ACTR3B: variants seen among roughly 807,000 people sequenced by gnomAD.
ACTR3B encodes actin-related protein 3B.
ACTR3B carries 8 observed loss-of-function variants against 59.0 expected under a neutral mutation model. The ratio of observed to expected loss-of-function variants is 0.14; its 90% confidence interval spans 0.08 to 0.24. The LOEUF is 0.24. Among genes scored for constraint, ACTR3B ranks in the 10% least tolerant of loss-of-function variants. The pLI is 1.00. For synonymous variants in ACTR3B, 148 were observed against 197.9 expected (o/e 0.75, Z 2.12); for missense variants, 245 against 552.3 (o/e 0.44, Z 5.58).
chr7:152,827,770 C>A (rs147885348), intron 9 of ACTR3B, among the ~76,000 whole-genome samples: 4 of 152,256 alleles, frequency 2.6e-5, no homozygotes, highest in Admixed American at 1.3e-4. Flanking sequence ...ACTGCCTCTC[C>A]TGTAGCCACG....
chr7:152,762,133 C>G (rs1390747045), intron 1 of ACTR3B, among the ~76,000 whole-genome samples: 5 of 152,046 alleles, frequency 3.3e-5, no homozygotes, highest in African/African-American at 1.2e-4. Context: ...AAATTTCATC[C>G]CAGTATCCTT....
intron 9 of ACTR3B, among the ~76,000 whole-genome samples, chr7:152,849,343 C>T (rs981564160): frequency 6.6e-6 from 1 of 152,128 alleles, no homozygotes; most frequent in East Asian, 1.9e-4. Flanking sequence ...GTGGGGGTTC[C>T]GGAGGATCGC....
chr7:152,821,692 C>T (rs973146965), intron 7 of ACTR3B, among the ~76,000 whole-genome samples: 1 of 152,210 alleles, frequency 6.6e-6, no homozygotes, highest in African/African-American at 2.4e-5. Context: ...GTGTGTCTCC[C>T]CCCTGTGAAG....
At position 152,836,998 on chromosome 7, in the gene ACTR3B, C is replaced by G. The variant is rs1590417246; in HGVS notation, c.951+11876C>G. 2.0e-5 allele frequency among the ~76,000 whole-genome samples: 3 copies of G among 152,082 alleles called. No individual in the cohort carries two copies. The East Asian group carries it at 5.8e-4, about 29-fold the overall frequency. On this transcript the variant is annotated intron_variant, in intron 9 of 11. Coordinates refer to ENST00000256001, the MANE Select transcript of ACTR3B (RefSeq NM_020445.6). Reference sequence around the variant, plus strand: ...CCAGCCTGGTTGACATAGCAAGACCCCATCTCTACAAAAGAAAAATTAAAA... The same window carrying G: ...CCAGCCTGGTTGACATAGCAAGACCGCATCTCTACAAAAGAAAAATTAAAA...
chr7:152,816,119 G>C (rs553027102), intron 5 of ACTR3B, among the ~76,000 whole-genome samples: 1 of 151,992 alleles, frequency 6.6e-6, no homozygotes, highest in African/African-American at 2.4e-5. Context: ...GCTAATTTTT[G>C]TATTATTTGT....
At chr7:152,797,226 T>C (rs2098220554) in intron 2 of ACTR3B, among the ~76,000 whole-genome samples, 1 of 152,032 alleles carries the variant, frequency 6.6e-6, no homozygotes, top group Non-Finnish European at 1.5e-5. Context: ...ACTACAGGCA[T>C]GTGTGCCATT....
At position 152,762,345 on chromosome 7, in the gene ACTR3B, T is replaced by C. The variant is rs114327192; in HGVS notation, c.44+2419T>C. On this transcript the variant is annotated intron_variant, in intron 1 of 11. Coordinates refer to ENST00000256001, the MANE Select transcript of ACTR3B (RefSeq NM_020445.6). ...AGCCAAACTTTTCAAATGAAGTCTT[T>C]TGCATTTTTCAACTTTTTTTGAAAT... Among the ~76,000 whole-genome samples, 505 of 152,362 alleles carry C rather than the reference T, an allele frequency of 3.3e-3. 4 individuals carry two copies. Among genetic ancestry groups the C allele is most frequent in the African/African-American group, 0.012 (482 of 41,592 alleles).
chr7:152,789,097 C>T (rs566230684), intron 2 of ACTR3B, among the ~76,000 whole-genome samples: 935 of 150,868 alleles, frequency 6.2e-3, no homozygotes, highest in African/African-American at 0.022. Flanking sequence ...CCCTTACACT[C>T]GTACACAGAG....
intron 4 of ACTR3B, among the ~76,000 whole-genome samples, chr7:152,808,171 A>G (rs1460182981): frequency 2.0e-3 from 309 of 152,296 alleles, no homozygotes; most frequent in African/African-American, 6.8e-3. Context: ...AGCGTCTTCA[A>G]GCTTCATCCA....
chr7:152,780,211 T>G (rs2098147521), intron 1 of ACTR3B, among the ~76,000 whole-genome samples: 1 of 151,502 alleles, frequency 6.6e-6, no homozygotes, highest in Non-Finnish European at 1.5e-5. Context: ...ATTAGCCGGG[T>G]GTGGTGGCAG....
intron 6 of ACTR3B, among the ~76,000 whole-genome samples, chr7:152,818,270 A>C (rs1405065630): frequency 6.6e-6 from 1 of 152,224 alleles, no homozygotes; most frequent in Non-Finnish European, 1.5e-5. Context: ...GTCCAGGCCC[A>C]CTAAGAAAGT....
At chr7:152,826,490 C>T (rs921101646) in intron 9 of ACTR3B, among the ~76,000 whole-genome samples, 3 of 152,116 alleles carry the variant, frequency 2.0e-5, no homozygotes, top group African/African-American at 7.2e-5. Context: ...GTTTTTGCTG[C>T]ATATTCTTAA....
chr7:152,792,443 A>AT (rs1188503602), intron 2 of ACTR3B, among the ~76,000 whole-genome samples: 3 of 149,658 alleles, frequency 2.0e-5, no homozygotes, highest in Admixed American at 6.7e-5. Flanking sequence ...ATATTTATTT[A>AT]TTTTTTTTTA....
intron 2 of ACTR3B, among the ~76,000 whole-genome samples, chr7:152,789,549 A>ATT (rs76565911): frequency 1.4e-5 from 2 of 141,424 alleles, no homozygotes; most frequent in African/African-American, 5.2e-5. Flanking sequence ...GGTTTGTAAG[A>ATT]TTTTTTTTTT....
chr7:152,844,944 C>G (rs534393289), intron 9 of ACTR3B, among the ~76,000 whole-genome samples: 8 of 147,516 alleles, frequency 5.4e-5, no homozygotes, highest in Non-Finnish European at 9.0e-5. Context: ...TTATCTACTT[C>G]TAGGCCAGAA....
intron 2 of ACTR3B, among the ~76,000 whole-genome samples, chr7:152,789,997 C>CTTTTTTT (rs756068314): frequency 3.2e-3 from 322 of 102,136 alleles, no homozygotes; most frequent in Middle Eastern, 7.6e-3. Context: ...TGTACTCTTT[C>CTTTTTTT]TTTTTTTTTT....
intron 2 of ACTR3B, among the ~76,000 whole-genome samples, chr7:152,793,102 G>A (rs989747079): frequency 1.0e-5 from 1 of 98,986 alleles, no homozygotes; most frequent in Non-Finnish European, 2.1e-5. Context: ...TTTTTGTTTT[G>A]TTTTGTTTCG....
intron 4 of ACTR3B, chr7:152,813,399 T>C (rs1795427606): frequency 6.6e-6 from 1 of 152,190 alleles, no homozygotes; most frequent in African/African-American, 2.4e-5. Context: ...ATTCTTTTTC[T>C]GTTTCTGTTG....
At chr7:152,830,844 G>A (rs1171242974) in intron 9 of ACTR3B, among the ~76,000 whole-genome samples, 23 of 152,092 alleles carry the variant, frequency 1.5e-4, no homozygotes, top group African/African-American at 2.4e-5. Context: ...CCACTGCGCC[G>A]GCTCTATTTT....
Sources: gnomAD v4.1 joint callset for allele counts (sites outside exome capture counted in the v4.1 genomes callset) on GRCh38, gnomAD v4.1.1 for gene constraint, MANE v1.5 for transcripts, NCBI Gene and HGNC (gene_info 2026-07-23, HGNC 2026-07-21) for gene names.